Variants in RSPH14 observed in about 807,000 individuals in gnomAD.
RSPH14 encodes the protein rhabdoid tumor deletion region gene 1.
RSPH14 carries 20 observed loss-of-function variants against 26.7 expected under a neutral mutation model. The ratio of observed to expected loss-of-function variants is 0.75; its 90% CI spans 0.53 to 1.09. RSPH14 has a LOEUF of 1.09. Among genes scored for constraint, RSPH14 ranks in the 50% least tolerant of loss-of-function variants. The pLI is 0.00. For synonymous variants in RSPH14, 177 were observed against 189.3 expected (o/e 0.93, Z 0.53); for missense variants, 449 against 457.2 (o/e 0.98, Z 0.16).
intron 4 of RSPH14, among the ~76,000 whole-genome samples, chr22:23,079,240 G>A (rs1010425385): frequency 1.3e-5 from 2 of 152,246 alleles, no homozygotes; most frequent in African/African-American, 2.4e-5. Context: ...GGCTGTGTGC[G>A]AATATGGGGG....
At chr22:23,134,495 G>A (rs1439170077) in intron 3 of RSPH14, among the ~76,000 whole-genome samples, 1 of 138,008 alleles carries the variant, frequency 7.2e-6, no homozygotes, top group Non-Finnish European at 1.5e-5. Flanking sequence ...ATTTGTTTAT[G>A]AGAAAAAGTT....
upstream of RSPH14, chr22:23,145,589 C>A: frequency 6.4e-7 from 1 of 1,573,602 alleles, no homozygotes; most frequent in Non-Finnish European, 8.6e-7. Context: ...CCCTCCCGGT[C>A]ACCCAACCCC....
chr22:23,062,097 T>C, intron 5 of RSPH14, 152 bp from the exon 6 acceptor site: 1 of 956,020 alleles, frequency 1.0e-6, no homozygotes, highest in East Asian at 2.6e-5. Flanking sequence ...GGACTGGTCA[T>C]GGCAGGGATG....
chr22:23,065,564 C>G lies in RSPH14; in HGVS notation c.422-1431G>C, dbSNP rs557099625. On this transcript the variant is annotated intron_variant, in intron 4 of 6. Transcript: ENST00000216036. ...AAAAAAAAAAAAAAAAAAAAAAAAGCCTAGGTCTCATTTAAAACATATCCT... is the reference window on the plus strand; with the variant it reads ...AAAAAAAAAAAAAAAAAAAAAAAAGGCTAGGTCTCATTTAAAACATATCCT... Among the ~76,000 whole-genome samples, 17 of 64,978 alleles carry G rather than the reference C, an allele frequency of 2.6e-4. No individual in the cohort carries two copies. In the South Asian group the frequency reaches 8.6e-3, roughly 33 times the overall value. 42.6% of individuals were successfully genotyped at this position (64,978 alleles called of 152,430 possible).
rs1428762594 is a variant in RSPH14, at chr22:23,070,261, C to T, written c.422-6128G>A. 9 of 147,726 alleles carry T rather than the reference C, an allele frequency of 6.1e-5. 1 individual carries two copies. In the South Asian group the frequency reaches 1.9e-3, roughly 31 times the overall value. The allele number at this position is 147,726 out of a possible 1,614,324, so 9.2% of individuals were successfully genotyped here. ...TGGTGCCCGGCGGGCGCGCGGCACC[C>T]CCCCGCCCGCGGTTGGCCTGGCAAC... On this transcript the variant is annotated intron_variant, in intron 4 of 6. Coordinates refer to ENST00000216036, the MANE Select transcript of RSPH14 (RefSeq NM_014433.3).
chr22:23,173,132 CTTTTTTTCT>C, the RSPH14 span, among the ~76,000 whole-genome samples: 1 of 151,806 alleles, frequency 6.6e-6, no homozygotes, highest in Non-Finnish European at 1.5e-5. Flanking sequence ...TTCTTTCTTT[CTTTTTTTCT>C]TTTTTTTCTT....
intron 4 of RSPH14, among the ~76,000 whole-genome samples, chr22:23,094,195 G>A (rs1180245951): frequency 6.6e-6 from 1 of 152,122 alleles, no homozygotes; most frequent in East Asian, 1.9e-4. Context: ...GTGGGTCTCC[G>A]GACAGGGACA....
intron 4 of RSPH14, among the ~76,000 whole-genome samples, chr22:23,087,623 T>C (rs138702706): frequency 6.6e-6 from 1 of 152,260 alleles, no homozygotes; most frequent in African/African-American, 2.4e-5. Context: ...TCCTGGAGCA[T>C]TCAGGAAGCA....
At chr22:23,154,431 G>A in the RSPH14 span, among the ~76,000 whole-genome samples, 2 of 152,240 alleles carry the variant, frequency 1.3e-5, no homozygotes, top group Non-Finnish European at 2.9e-5. Flanking sequence ...GGAGATGGAG[G>A]ATAACAAATC....
At chr22:23,130,442 G>GCCC (rs1331828693) in intron 4 of RSPH14, among the ~76,000 whole-genome samples, 1 of 121,194 alleles carries the variant, frequency 8.3e-6, no homozygotes, top group Non-Finnish European at 1.8e-5. Flanking sequence ...GCGACAGAGT[G>GCCC]AGACTCTGTC....
At chr22:23,063,728 G>C (rs546282238) in intron 5 of RSPH14, among the ~76,000 whole-genome samples, 174 bp downstream of exon 5, 7 of 152,190 alleles carry the variant, frequency 4.6e-5, no homozygotes, top group Admixed American at 3.3e-4. Flanking sequence ...AGGCCAACGG[G>C]ATGGTGGTCA....
chr22:23,060,144 C>T (rs2068062224), intron 6 of RSPH14, among the ~76,000 whole-genome samples: 1 of 152,072 alleles, frequency 6.6e-6, no homozygotes, highest in Non-Finnish European at 1.5e-5. Flanking sequence ...CGTACTCTAG[C>T]CTGGGTGACA....
chr22:23,061,971 G>C (rs1468110931), intron 5 of RSPH14, 26 bp from the exon 6 acceptor site: 2 of 1,613,136 alleles, frequency 1.2e-6, no homozygotes, highest in Admixed American at 3.3e-5. Context: ...AACAGAGAGG[G>C]GCTCTGCTTG....
At chr22:23,158,840 C>T in the RSPH14 span, 4 of 1,503,422 alleles carry the variant, frequency 2.7e-6, no homozygotes, top group Non-Finnish European at 3.7e-6. Context: ...GTGCCCTCTG[C>T]CCCCTGTTTG....
the RSPH14 span, chr22:23,162,874 C>T: frequency 2.6e-6 from 1 of 379,956 alleles, no homozygotes; most frequent in Non-Finnish European, 5.3e-6. Flanking sequence ...TCTATTCATT[C>T]CCCCTTCAAC....
chr22:23,132,721 A>G (rs78872369), intron 4 of RSPH14: 2 of 152,034 alleles, frequency 1.3e-5, no homozygotes, highest in African/African-American at 4.8e-5. Context: ...TATTTTATTC[A>G]TTTTTTTTAG....
At chr22:23,158,850 G>T in the RSPH14 span, 2 of 1,554,404 alleles carry the variant, frequency 1.3e-6, no homozygotes, top group Non-Finnish European at 1.8e-6. Flanking sequence ...CCCCCTGTTT[G>T]GGGTGGGAGG....
intron 6 of RSPH14, among the ~76,000 whole-genome samples, chr22:23,060,366 G>A (rs1212218264): frequency 6.6e-6 from 1 of 151,990 alleles, no homozygotes; most frequent in African/African-American, 2.4e-5. Flanking sequence ...AGCTACTCAG[G>A]AGGCTGAGGC....
At chr22:23,157,142 G>A in the RSPH14 span, among the ~76,000 whole-genome samples, 425 of 152,312 alleles carry the variant, frequency 2.8e-3, 4 homozygotes, top group African/African-American at 9.7e-3. Flanking sequence ...TGCATCTCCC[G>A]GTTTTCTGCC....
Sources: allele counts gnomAD v4.1 joint callset (sites outside exome capture counted in the v4.1 genomes callset), GRCh38; gene constraint gnomAD v4.1.1; transcripts MANE v1.5; gene names NCBI Gene and HGNC (gene_info 2026-07-23, HGNC 2026-07-21).